The following ZC3H7A variants were observed in gnomAD, a reference collection of about 807,000 sequenced individuals.
The protein encoded by ZC3H7A is zinc finger CCCH-type containing 7A, also known as zinc finger CCCH domain-containing protein 7A.
ZC3H7A carries 44 observed loss-of-function variants against 125.5 expected under a neutral mutation model. The observed-to-expected ratio is 0.35, with a 90% CI of 0.28 to 0.45. The LOEUF is 0.45. Among genes scored for constraint, ZC3H7A ranks in the 20% least tolerant of loss-of-function variants. ZC3H7A has a pLI of 1.00. For synonymous variants in ZC3H7A, 399 were observed against 391.2 expected (o/e 1.02, Z -0.23); for missense variants, 977 against 1,170.7 (o/e 0.83, Z 2.41).
rs1159067678 is a variant in ZC3H7A, at chr16:11,774,293, A to G, written c.846T>C (p.Leu282=). 6.2e-7 allele frequency: 1 copy of G among 1,613,366 alleles called. No individual in the cohort carries two copies. The highest frequency in any genetic ancestry group is 1.3e-5 in the African/African-American group (1 of 75,044). The part of the protein sequence containing the change: ...EAFLDDGDMV[L]GDELDDLLDS... ...CAAGCAGGTCATCTAGTTCATCTCC[A>G]AGGACCATATCTCCATCATCTAGAA... The change falls in exon 9 of 23, where the codon CTT becomes CTC. Residue 282 remains leucine (L), a synonymous_variant. Transcript: ENST00000355758.
intron 20 of ZC3H7A, among the ~76,000 whole-genome samples, chr16:11,757,433 G>C (rs569637196): frequency 7.4e-5 from 10 of 135,116 alleles, no homozygotes; most frequent in Non-Finnish European, 1.4e-4. Context: ...GCAGTGACCC[G>C]AGATCACGCC....
rs1358483616 is a variant in ZC3H7A at position 11,765,618 on chromosome 16, T to C, written c.1590A>G (p.Ile530Met). ...HCTFAYCQEE[I>M]DVWTLERKGA... is the part of the protein sequence containing the mutation. Reference sequence around the variant, plus strand: ...CTTTCCGCTCCAGTGTCCACACATCTATCTCCTCTTGGCAATAAGCAAACG... The same window carrying C: ...CTTTCCGCTCCAGTGTCCACACATCCATCTCCTCTTGGCAATAAGCAAACG... Residue 530 changes from isoleucine to methionine, a missense_variant, in exon 14 of 23, where the codon ATA becomes ATG. This residue lies in a region of ZC3H7A where 436 missense variants were observed against 603.2 expected (regional missense o/e 0.72). Coordinates refer to ENST00000355758, the MANE Select transcript of ZC3H7A (RefSeq NM_014153.4). The surrounding 1 kb of genome is among the most constrained non-coding windows in gnomAD (Gnocchi z 4.8). 9.3e-6 allele frequency: 15 copies of C among 1,614,034 alleles called. No homozygotes were observed. The highest frequency in any genetic ancestry group is 1.3e-5 in the Non-Finnish European group (15 of 1,180,010).
At chr16:11,760,991 G>C (rs2052743654) in intron 19 of ZC3H7A, among the ~76,000 whole-genome samples, 1 of 152,092 alleles carries the variant, frequency 6.6e-6, no homozygotes. Context: ...CGTATCCCTT[G>C]CTGCAGTGAA....
intron 1 of ZC3H7A, among the ~76,000 whole-genome samples, chr16:11,795,869 C>A (rs1268474581): frequency 6.6e-6 from 1 of 152,216 alleles, no homozygotes; most frequent in Non-Finnish European, 1.5e-5. Flanking sequence ...AAGGCACAAT[C>A]TCAGCTCACC....
intron 1 of ZC3H7A, among the ~76,000 whole-genome samples, chr16:11,784,631 G>A (rs2053227062): frequency 6.6e-6 from 1 of 152,026 alleles, no homozygotes; most frequent in Admixed American, 6.6e-5. Context: ...GAGGCGAGTG[G>A]ATCACCCAAG....
In ZC3H7A at chr16:11,758,070, A is replaced by G. The variant is rs569065205; in HGVS notation, c.2428+361T>C. Among the ~76,000 whole-genome samples, 73 of 152,338 alleles carry G rather than the reference A, an allele frequency of 4.8e-4. 1 individual carries two copies. The highest frequency in any genetic ancestry group is 8.4e-4 in the Non-Finnish European group (57 of 68,034). On this transcript the variant is annotated intron_variant, in intron 20 of 22. Transcript: ENST00000355758. The stretch of plus-strand genomic sequence containing the variant: ...AGAAACTGCCAATTCTAACCTGGTT[A>G]ATTCAGAGGGCAAACTATTTCCAAT...
chr16:11,776,499 C>A lies in ZC3H7A; in HGVS notation c.499G>T (p.Ala167Ser). 2 of 1,611,764 alleles carry A rather than the reference C, an allele frequency of 1.2e-6. No individual in the cohort carries two copies. Among genetic ancestry groups the A allele is most frequent in the Non-Finnish European group, 1.7e-6 (2 of 1,179,358 alleles). ...CTTATTTTAAATCCCAATTTCTGAGCTAGTTCTTGAGTTAGTTTTATTACA... is the reference window on the plus strand; with the variant it reads ...CTTATTTTAAATCCCAATTTCTGAGATAGTTCTTGAGTTAGTTTTATTACA... The part of the protein sequence containing the change: ...EHVIKLTQEL[A>S]QKLGFKIRKA... Residue 167 changes from alanine (A) to serine (S), a missense_variant, in exon 6 of 23, where the codon GCT (alanine) becomes TCT (serine). This residue lies in a region of ZC3H7A where 199 missense variants were observed against 256.1 expected (regional missense o/e 0.78). Transcript: ENST00000355758.
chr16:11,781,649 T>C (rs866745800), intron 2 of ZC3H7A, among the ~76,000 whole-genome samples, 185 bp from the exon 3 acceptor site: 7 of 84,846 alleles, frequency 8.3e-5, no homozygotes, highest in Admixed American at 3.5e-4. Flanking sequence ...AAAATACATA[T>C]ACATATATAT....
Position 11,765,382 on chromosome 16 carries a change from T to C in ZC3H7A, c.1719+107A>G. 2.7e-6 allele frequency: 2 copies of C among 742,136 alleles called. No individual in the cohort carries two copies. Among genetic ancestry groups the C allele is most frequent in the South Asian group, 5.8e-5 (2 of 34,704 alleles). The allele number at this position is 742,136 out of a possible 1,614,324, so 46.0% of individuals were successfully genotyped here. A position where few individuals can be genotyped will look rare whatever the true frequency, so the allele number is the denominator to read the frequency against. On this transcript the variant is annotated intron_variant, in intron 14 of 22. Transcript: ENST00000355758. The surrounding 1 kb of genome is among the most constrained non-coding windows in gnomAD (Gnocchi z 4.8). ...TGATATTATTTATCATATAAATAAA[T>C]GAATATTTATTCATTTACCAAGTGA...
intron 1 of ZC3H7A, chr16:11,782,882 G>A (rs1249493176): frequency 6.5e-6 from 1 of 154,540 alleles, no homozygotes; most frequent in African/African-American, 2.4e-5. Flanking sequence ...CCCAAAGTGT[G>A]GGATTATAGG....
Position 11,782,288 on chromosome 16 carries a change from G to A in ZC3H7A, c.67C>T (p.Gln23Ter). 1 of 1,614,130 alleles carries A rather than the reference G, an allele frequency of 6.2e-7. No individual in the cohort carries two copies. Among genetic ancestry groups the A allele is most frequent in the Non-Finnish European group, 8.5e-7 (1 of 1,180,006 alleles). The change falls in exon 2 of 23, where the codon CAG becomes TAG. Residue 23 changes from glutamine (Q) to a stop codon, truncating the protein, a stop_gained and splice_region_variant. Transcript: ENST00000355758. LOFTEE classifies it high-confidence loss of function. ...QNIKEGLQFIQSPLSYPGTQE... is the reference protein window; with the variant it reads ...QNIKEGLQFI ...ACACAAGAACTCTGAAGCTCTTACTGTATAAACTGCAGTCCTTCCTTAATG... is the reference window on the plus strand; with the variant it reads ...ACACAAGAACTCTGAAGCTCTTACTATATAAACTGCAGTCCTTCCTTAATG...
Position 11,768,409 on chromosome 16 carries a change from T to A in ZC3H7A, c.1266A>T (p.Ala422=), listed in dbSNP as rs1402975668. The A allele has an allele frequency of 6.3e-7, 1 of 1,596,498 alleles. No homozygotes were observed. ...RNDFGNFFGS[A]VTKPSSSVTP... ...TCACTGATGAAGATGGTTTGGTAACTGCACTTCCAAAAAAGTTTCCAAAGT... is the reference window on the plus strand; with the variant it reads ...TCACTGATGAAGATGGTTTGGTAACAGCACTTCCAAAAAAGTTTCCAAAGT... Residue 422 remains alanine (A), a synonymous_variant, in exon 12 of 23, where the codon GCA becomes GCT. Transcript: ENST00000355758.
At chr16:11,754,668 G>A (rs1354895764) in intron 21 of ZC3H7A, among the ~76,000 whole-genome samples, 1 of 152,086 alleles carries the variant, frequency 6.6e-6, no homozygotes, top group African/African-American at 2.4e-5. Flanking sequence ...GAGGCGGGCA[G>A]ATCACGCAAG....
chr16:11,754,413 G>A (rs2052603695), intron 21 of ZC3H7A, among the ~76,000 whole-genome samples: 1 of 151,234 alleles, frequency 6.6e-6, no homozygotes, highest in Non-Finnish European at 1.5e-5. Context: ...CATTCACAGG[G>A]CATGTCACAA....
intron 1 of ZC3H7A, among the ~76,000 whole-genome samples, chr16:11,786,173 G>A (rs1007066647): frequency 3.9e-5 from 6 of 152,070 alleles, no homozygotes; most frequent in African/African-American, 1.4e-4. Context: ...CCCTTCCTTG[G>A]AAAGATGACT....
intron 5 of ZC3H7A, 106 bp from the exon 6 acceptor site, chr16:11,776,638 T>A (rs8054729): frequency 0.57 from 847,775 of 1,493,722 alleles, 250,118 homozygotes; most frequent in African/African-American, 0.91. Flanking sequence ...TTCATTAGCA[T>A]TTATACCCAA....
chr16:11,791,088 AACACACACAC>A (rs34972921), intron 1 of ZC3H7A, among the ~76,000 whole-genome samples: 1,585 of 136,110 alleles, frequency 0.012, 16 homozygotes, highest in Middle Eastern at 0.039. Context: ...AAATTTTTAA[AACACACACAC>A]ACACACACAC....
rs1567389069 is a variant in ZC3H7A at position 11,779,378 on chromosome 16, G to A, written c.109-15C>T. ...CGCAAATATACCTAAAAAAAAGAAA[G>A]TTACCACTTGAAGCCTTTTATCAAA... On this transcript the variant is annotated splice_polypyrimidine_tract_variant and intron_variant, in intron 3 of 22. Coordinates refer to ENST00000355758, the MANE Select transcript of ZC3H7A (RefSeq NM_014153.4). The A allele has an allele frequency of 6.2e-7, 1 of 1,602,586 alleles. No individual in the cohort carries two copies.
At chr16:11,762,824 G>T in intron 16 of ZC3H7A, 77 bp from the exon 17 acceptor site, 2 of 1,397,422 alleles carry the variant, frequency 1.4e-6, no homozygotes, top group Non-Finnish European at 2.0e-6. Context: ...AGTCAGACGT[G>T]GAGAACCTTC....
Sources: gnomAD v4.1 joint callset for allele counts (sites outside exome capture counted in the v4.1 genomes callset) on GRCh38, gnomAD v4.1.1 for gene constraint, gnomAD v4.1.1 regional missense constraint, Gnocchi (gnomAD v3.1) non-coding constraint, MANE v1.5 for transcripts, NCBI Gene and HGNC (gene_info 2026-07-23, HGNC 2026-07-21) for gene names.